The following RARB variants were observed in gnomAD, a reference collection of about 807,000 sequenced individuals.
The protein encoded by RARB is HBV-activated protein.
RARB carries 17 observed loss-of-function variants against 51.9 expected under a neutral mutation model. That is an observed-to-expected ratio of 0.33 (90% CI 0.22 to 0.49). The LOEUF is 0.49. RARB is among the 20% of genes least tolerant of loss of function. The probability of loss-of-function intolerance (pLI) is 0.99; values close to 1 mark genes in which losing one functional copy is unlikely to be tolerated. For synonymous variants in RARB, 215 were observed against 195.4 expected, an observed-to-expected ratio of 1.10 and a Z score of -0.84; for missense variants, 369 against 550.8, an observed-to-expected ratio of 0.67 and a Z score of 3.30.
intron 2 of RARB, among the ~76,000 whole-genome samples, chr3:25,002,259 A>C (rs995496758): frequency 2.6e-5 from 4 of 152,328 alleles, no homozygotes; most frequent in African/African-American, 9.6e-5. Flanking sequence ...CACGTTTATC[A>C]GGCTTCCTGT....
chr3:25,396,617 T>C (rs1288387207), intron 5 of RARB, among the ~76,000 whole-genome samples: 1 of 152,092 alleles, frequency 6.6e-6, no homozygotes, highest in African/African-American at 2.4e-5. Context: ...ATATCCTTCG[T>C]CTTCAGCTAC....
chr3:25,427,128 A>C (rs1708016367), upstream of RARB, among the ~76,000 whole-genome samples: 1 of 152,200 alleles, frequency 6.6e-6, no homozygotes, highest in Non-Finnish European at 1.5e-5. Flanking sequence ...TTTGGGGTGC[A>C]AGGATGTGGG....
chr3:25,446,243 A>AT (rs1459511969), intron 1 of RARB, among the ~76,000 whole-genome samples: 1 of 152,234 alleles, frequency 6.6e-6, no homozygotes, highest in African/African-American at 2.4e-5. Flanking sequence ...AAATGCATGA[A>AT]TTTTATAGTA....
chr3:25,123,539 G>C (rs1036750728), intron 3 of RARB, among the ~76,000 whole-genome samples: 1 of 152,164 alleles, frequency 6.6e-6, no homozygotes, highest in African/African-American at 2.4e-5. Context: ...ATATTCCCCT[G>C]TGGGAGAAAA....
intron 1 of RARB, among the ~76,000 whole-genome samples, chr3:24,849,225 T>C (rs1331866013): frequency 6.6e-6 from 1 of 152,150 alleles, no homozygotes; most frequent in African/African-American, 2.4e-5. Flanking sequence ...AAAAGTAAAG[T>C]AAATGTAGTC....
intron 1 of RARB, among the ~76,000 whole-genome samples, chr3:25,452,408 A>G (rs1005370938): frequency 7.4e-5 from 8 of 108,708 alleles, no homozygotes; most frequent in South Asian, 2.8e-4. Flanking sequence ...AAGCCCAGAC[A>G]GGTGTAGCTA....
intron 2 of RARB, among the ~76,000 whole-genome samples, chr3:24,886,049 G>C (rs7340729): frequency 0.076 from 11,607 of 152,150 alleles, 955 homozygotes; most frequent in East Asian, 0.33. Flanking sequence ...CCATATACTA[G>C]GGTTCTTCTG....
chr3:25,067,483 G>A (rs983248550), intron 3 of RARB, among the ~76,000 whole-genome samples: 3 of 152,086 alleles, frequency 2.0e-5, no homozygotes, highest in Non-Finnish European at 2.9e-5. Context: ...ATGTAGAGGA[G>A]TTAGCAACAT....
chr3:24,894,090 C>G (rs1703436011), intron 2 of RARB, among the ~76,000 whole-genome samples: 1 of 152,070 alleles, frequency 6.6e-6, no homozygotes, highest in Non-Finnish European at 1.5e-5. Flanking sequence ...CTTTGAGAAT[C>G]TTTATGTGTG....
intron 4 of RARB, among the ~76,000 whole-genome samples, chr3:25,167,052 G>A (rs1413593019): frequency 1.3e-5 from 2 of 152,092 alleles, no homozygotes; most frequent in African/African-American, 2.4e-5. Flanking sequence ...TTGCCACAAG[G>A]GAATGCCAAT....
intron 2 of RARB, among the ~76,000 whole-genome samples, chr3:24,964,966 G>T (rs1157944835): frequency 6.6e-6 from 1 of 152,172 alleles, no homozygotes; most frequent in Non-Finnish European, 1.5e-5. Context: ...TATATACAGT[G>T]ATTAAAAGTA....
chr3:24,985,598 G>A (rs1285876475), intron 2 of RARB, among the ~76,000 whole-genome samples: 4 of 152,160 alleles, frequency 2.6e-5, no homozygotes, highest in Non-Finnish European at 5.9e-5. Flanking sequence ...CCTTTGGTTT[G>A]AACCTCCAGA....
rs187768289 is a variant in RARB at position 25,446,439 on chromosome 3, C to T, written c.158-14754C>T. Among the ~76,000 whole-genome samples the T allele has an allele frequency of 3.5e-4, 54 of 152,334 alleles. 1 individual carries two copies. In the East Asian group the frequency reaches 9.3e-3, roughly 26 times the overall value. ...CAGAGTTGAATGACTGTGACAGAGA[C>T]CAGACAGCCCACAAAGCCTAAAGTA... On this transcript the variant is annotated intron_variant, in intron 1 of 7. Coordinates refer to ENST00000330688, the MANE Select transcript of RARB (RefSeq NM_000965.5).
At chr3:25,485,415 A>C (rs1204790586) in intron 2 of RARB, among the ~76,000 whole-genome samples, 2 of 152,208 alleles carry the variant, frequency 1.3e-5, no homozygotes, top group Non-Finnish European at 2.9e-5. Flanking sequence ...GCCTCATCTC[A>C]GAGAGTGACA....
chr3:25,147,469 A>G (rs907906946), intron 4 of RARB, among the ~76,000 whole-genome samples: 1 of 152,150 alleles, frequency 6.6e-6, no homozygotes, highest in Non-Finnish European at 1.5e-5. Context: ...TCTAGAAAGC[A>G]TATAACTATA....
chr3:25,511,543 A>T lies in RARB; in HGVS notation c.448+10220A>T, dbSNP rs903168872. ...AAATTTTATTTAAGAAAAAAAATCA[A>T]TTGAGACAGAAATCGTTAAGTGTGT... On this transcript the variant is annotated intron_variant, in intron 3 of 7. Transcript: ENST00000330688. Among the ~76,000 whole-genome samples, 12 of 152,364 alleles carry T rather than the reference A, an allele frequency of 7.9e-5. No individual in the cohort carries two copies. In the South Asian group the frequency reaches 2.1e-3, roughly 26 times the overall value.
intron 2 of RARB, among the ~76,000 whole-genome samples, chr3:24,921,190 C>A (rs141436643): frequency 1.3e-5 from 2 of 152,218 alleles, no homozygotes; most frequent in African/African-American, 4.8e-5. Context: ...CTATCAGTTT[C>A]TGACTTCTTC....
At chr3:25,127,836 A>G (rs905061280) in intron 3 of RARB, among the ~76,000 whole-genome samples, 2 of 152,112 alleles carry the variant, frequency 1.3e-5, no homozygotes, top group African/African-American at 4.8e-5. Flanking sequence ...GCCTAAAAAT[A>G]TATATACATA....
chr3:24,883,356 T>TGTGTGTGTG (rs1049964466), intron 2 of RARB, among the ~76,000 whole-genome samples: 1 of 143,672 alleles, frequency 7.0e-6, no homozygotes, highest in Non-Finnish European at 1.5e-5. Context: ...TCAACAATCA[T>TGTGTGTGTG]TGTGTGTGTG....
Sources: allele counts gnomAD v4.1 joint callset (sites outside exome capture counted in the v4.1 genomes callset), GRCh38; gene constraint gnomAD v4.1.1; transcripts MANE v1.5; gene names NCBI Gene and HGNC (gene_info 2026-07-23, HGNC 2026-07-21).